Variants in ZSCAN5A observed in about 807,000 individuals in gnomAD.
The protein encoded by ZSCAN5A is zinc finger and SCAN domain containing 5A.
ZSCAN5A carries 12 observed loss-of-function variants against 23.7 expected under a neutral mutation model. That is an observed-to-expected ratio of 0.51 (90% confidence interval 0.32 to 0.82). ZSCAN5A has a LOEUF of 0.82. Ranked by LOEUF, ZSCAN5A falls within the 40% of genes least tolerant of loss-of-function variation. The pLI is 0.03. For synonymous variants in ZSCAN5A, 257 were observed against 239.9 expected (o/e 1.07, Z -0.66); for missense variants, 597 against 617.9 (o/e 0.97, Z 0.36).
chr19:56,295,360 G>A (rs1472340855), intron 2 of ZSCAN5A, among the ~76,000 whole-genome samples: 1 of 152,098 alleles, frequency 6.6e-6, no homozygotes, highest in Non-Finnish European at 1.5e-5. Context: ...TTGGGAGGCT[G>A]ATGCGGGCGG....
intron 2 of ZSCAN5A, among the ~76,000 whole-genome samples, chr19:56,272,282 C>T (rs1024643582): frequency 3.9e-5 from 6 of 152,140 alleles, no homozygotes; most frequent in African/African-American, 1.2e-4. Flanking sequence ...GGTCCACAAA[C>T]GTTTTCTATA....
chr19:56,235,021 T>C (rs566027277), intron 2 of ZSCAN5A, among the ~76,000 whole-genome samples: 6 of 152,200 alleles, frequency 3.9e-5, no homozygotes, highest in African/African-American at 1.4e-4. Context: ...TCCTCACTCC[T>C]GTGATAACGA....
intron 2 of ZSCAN5A, among the ~76,000 whole-genome samples, chr19:56,250,954 T>A (rs2036292992): frequency 6.6e-6 from 1 of 152,080 alleles, no homozygotes; most frequent in Non-Finnish European, 1.5e-5. Context: ...ATCAAGACCA[T>A]CCTGGCTAAC....
intron 2 of ZSCAN5A, among the ~76,000 whole-genome samples, chr19:56,298,470 G>T (rs2040022007): frequency 6.6e-6 from 1 of 151,918 alleles, no homozygotes; most frequent in Non-Finnish European, 1.5e-5. Context: ...ACCCCGTCTG[G>T]TGAAACCCCG....
intron 2 of ZSCAN5A, among the ~76,000 whole-genome samples, chr19:56,348,567 T>G (rs912133452): frequency 8.5e-5 from 13 of 152,164 alleles, no homozygotes; most frequent in African/African-American, 3.1e-4. Flanking sequence ...AGCTAATAGC[T>G]CTTACAAGAG....
intron 2 of ZSCAN5A, among the ~76,000 whole-genome samples, chr19:56,232,671 TTTTTTC>T (rs934436370): frequency 9.0e-6 from 1 of 110,748 alleles, no homozygotes; most frequent in Non-Finnish European, 2.2e-5. Context: ...AGGCTAATTT[TTTTTTC>T]TTTTTCTTTT....
intron 2 of ZSCAN5A, among the ~76,000 whole-genome samples, chr19:56,329,304 G>A (rs898443220): frequency 2.0e-5 from 3 of 151,882 alleles, no homozygotes; most frequent in Admixed American, 1.3e-4. Flanking sequence ...AGCCGAGATC[G>A]TGTCACTGTA....
chr19:56,244,385 C>G, intron 2 of ZSCAN5A: 8 of 1,574,192 alleles, frequency 5.1e-6, no homozygotes, highest in Non-Finnish European at 6.9e-6. Context: ...CTGCAAAGAC[C>G]TGGAGGACCT....
At position 56,277,312 on chromosome 19, in the gene ZSCAN5A, C is replaced by T. The variant is rs569401766; in HGVS notation, c.-128+35971G>A. On this transcript the variant is annotated intron_variant, in intron 2 of 5. Transcript: ENST00000683990. ...ATGCATCCATTAATGAATGGAGAAA[C>T]AGAGTGTGGTCTATGCATACAATGG... Among the ~76,000 whole-genome samples the T allele has an allele frequency of 3.9e-5, 6 of 152,284 alleles. No homozygotes were observed. The East Asian group carries it at 1.2e-3, about 29-fold the overall frequency.
intron 2 of ZSCAN5A, chr19:56,282,967 G>C (rs927439762): frequency 1.3e-5 from 2 of 152,204 alleles, no homozygotes; most frequent in African/African-American, 2.4e-5. Flanking sequence ...GCAAGACTCT[G>C]GGGCAGAAGG....
At chr19:56,222,544 C>A in intron 5 of ZSCAN5A, 47 bp downstream of exon 5, 1 of 1,604,854 alleles carries the variant, frequency 6.2e-7, no homozygotes, top group South Asian at 1.1e-5. Context: ...GCCCCGCACC[C>A]CAGAAGAGAG....
At chr19:56,222,374 T>C in intron 5 of ZSCAN5A, 48 bp from the exon 6 acceptor site, 1 of 1,595,118 alleles carries the variant, frequency 6.3e-7, no homozygotes, top group Non-Finnish European at 8.5e-7. Context: ...GCATTTTCAA[T>C]ACACCAAACT....
chr19:56,242,761 C>CA (rs1383427750), intron 2 of ZSCAN5A, among the ~76,000 whole-genome samples: 1 of 147,026 alleles, frequency 6.8e-6, no homozygotes, highest in Admixed American at 6.9e-5. Flanking sequence ...AACCAAATTT[C>CA]AAAAAATCGT....
intron 2 of ZSCAN5A, chr19:56,228,301 C>A (rs2034151313): frequency 7.1e-6 from 7 of 985,246 alleles, no homozygotes; most frequent in Non-Finnish European, 8.4e-6. Flanking sequence ...ATGCGCTCTC[C>A]AACCGGCCTG....
At position 56,334,399 on chromosome 19, in the gene ZSCAN5A, A is replaced by C. The variant is rs542743150; in HGVS notation, c.-357-18131T>G. Among the ~76,000 whole-genome samples the C allele has an allele frequency of 6.6e-5, 10 of 152,302 alleles. 1 individual carries two copies. In the South Asian group the frequency reaches 2.1e-3, roughly 32 times the overall value. ...CAAATTATTTTATTATTATTTTTAA[A>C]TTTTTTATTTTGTTCACTTTTCCAA... On this transcript the variant is annotated intron_variant, in intron 2 of 6. Transcript: ENST00000587340.
chr19:56,257,198 G>T (rs556830973), intron 2 of ZSCAN5A, among the ~76,000 whole-genome samples: 17 of 152,272 alleles, frequency 1.1e-4, no homozygotes, highest in African/African-American at 4.1e-4. Context: ...CAGGAGAGCG[G>T]GGAACCAGGG....
intron 2 of ZSCAN5A, among the ~76,000 whole-genome samples, chr19:56,241,480 T>C (rs1322859705): frequency 6.6e-6 from 1 of 152,246 alleles, no homozygotes; most frequent in Non-Finnish European, 1.5e-5. Context: ...CTAAAAATTG[T>C]ATACAATTGG....
chr19:56,314,557 G>A (rs926285036), intron 1 of ZSCAN5A, 124 bp downstream of exon 1: 2 of 152,246 alleles, frequency 1.3e-5, no homozygotes, highest in Non-Finnish European at 2.9e-5. Context: ...GTCCTCCCAC[G>A]AATCTCCCCC....
chr19:56,265,124 A>G (rs1445108949), intron 2 of ZSCAN5A, among the ~76,000 whole-genome samples: 1 of 151,984 alleles, frequency 6.6e-6, no homozygotes, highest in Non-Finnish European at 1.5e-5. Flanking sequence ...TCCATCTCAA[A>G]AATAAATAAA....
Sources: allele counts gnomAD v4.1 joint callset (sites outside exome capture counted in the v4.1 genomes callset), GRCh38; gene constraint gnomAD v4.1.1; transcripts MANE v1.5; gene names NCBI Gene and HGNC (gene_info 2026-07-23, HGNC 2026-07-21).